CDH3: variants seen among roughly 807,000 people sequenced by gnomAD.
CDH3 encodes the protein cadherin-3.
CDH3 carries 54 observed loss-of-function variants against 82.0 expected under a neutral mutation model. That is an observed-to-expected ratio of 0.66 (90% CI 0.53 to 0.83). The LOEUF (loss-of-function observed/expected upper bound fraction) is 0.83, where lower values mean the gene tolerates loss of function less well. CDH3 is among the 40% of genes least tolerant of loss of function. The pLI is 0.00. For missense variants in CDH3, 1,054 were observed against 1,084.6 expected (o/e 0.97, Z 0.40); for synonymous variants, 446 against 437.9 (o/e 1.02, Z -0.23).
chr16:68,660,627 A>T (rs1392907642), intron 2 of CDH3, among the ~76,000 whole-genome samples: 1 of 152,178 alleles, frequency 6.6e-6, no homozygotes, highest in Admixed American at 6.5e-5. Flanking sequence ...AAAGCCTAGG[A>T]CAGGGTGGTT....
At chr16:68,700,786 G>A (rs1406465869), downstream of CDH3, among the ~76,000 whole-genome samples, 4 of 152,184 alleles carry the variant, frequency 2.6e-5, no homozygotes, top group African/African-American at 4.8e-5. Context: ...TCCGGGAGGT[G>A]GAGGTTGCAG....
chr16:68,662,488 G>T (rs1316681383), intron 2 of CDH3, among the ~76,000 whole-genome samples: 1 of 151,588 alleles, frequency 6.6e-6, no homozygotes, highest in Non-Finnish European at 1.5e-5. Context: ...GATATTTTTG[G>T]CTGGGTGCAG....
chr16:68,697,217 A>G (rs978035182), intron 15 of CDH3, among the ~76,000 whole-genome samples: 3 of 151,712 alleles, frequency 2.0e-5, no homozygotes, highest in African/African-American at 7.3e-5. Context: ...CCAGCTACTC[A>G]GGAGGCTGAG....
chr16:68,651,734 C>T, intron 2 of CDH3: 1 of 503,438 alleles, frequency 2.0e-6, no homozygotes, highest in Non-Finnish European at 4.0e-6. Context: ...AGTGGTTGAT[C>T]TAGGGGACTG....
intron 7 of CDH3, among the ~76,000 whole-genome samples, chr16:68,680,291 T>C (rs559312858): frequency 7.9e-5 from 12 of 152,358 alleles, no homozygotes; most frequent in Non-Finnish European, 1.3e-4. Flanking sequence ...CCCAAATTGG[T>C]CCCTTATGTG....
intron 2 of CDH3, among the ~76,000 whole-genome samples, chr16:68,662,846 G>A (rs1361908901): frequency 6.9e-6 from 1 of 145,518 alleles, no homozygotes; most frequent in Non-Finnish European, 1.5e-5. Flanking sequence ...GTTCCCGGAG[G>A]CTGGTGGATT....
downstream of CDH3, among the ~76,000 whole-genome samples, chr16:68,728,514 T>C (rs190113796): frequency 5.5e-3 from 841 of 152,152 alleles, 9 homozygotes; most frequent in Middle Eastern, 0.082. Flanking sequence ...CAGGCTGATC[T>C]CGAACTCCTG....
At chr16:68,718,621 G>A (rs929808721) in intron 1 of CDH3, among the ~76,000 whole-genome samples, 5 of 152,120 alleles carry the variant, frequency 3.3e-5, no homozygotes, top group Non-Finnish European at 7.3e-5. Context: ...GGTGGAGGTT[G>A]CAGTGAGCCG....
intron 2 of CDH3, among the ~76,000 whole-genome samples, chr16:68,654,824 T>C (rs891340713): frequency 2.0e-5 from 3 of 149,946 alleles, no homozygotes; most frequent in Non-Finnish European, 4.4e-5. Context: ...TCACCTGAGG[T>C]CAGGAGTTCA....
chr16:68,681,146 G>A, intron 8 of CDH3, 50 bp downstream of exon 8: 1 of 1,609,996 alleles, frequency 6.2e-7, no homozygotes, highest in Non-Finnish European at 8.5e-7. Context: ...AAGGACCAAA[G>A]TTTGCCTTTC....
intron 2 of CDH3, among the ~76,000 whole-genome samples, chr16:68,664,961 G>GCTT (rs1227084422): frequency 3.3e-5 from 5 of 152,060 alleles, no homozygotes; most frequent in African/African-American, 1.2e-4. Flanking sequence ...CATGGCATTT[G>GCTT]GGATTTAATT....
intron 2 of CDH3, chr16:68,651,962 C>T (rs1367395133): frequency 1.5e-5 from 5 of 325,292 alleles, no homozygotes; most frequent in South Asian, 1.2e-4. Context: ...ATACGGCTGG[C>T]AGGTGCGGTG....
intron 2 of CDH3, chr16:68,646,144 C>T (rs561694849): frequency 1.2e-5 from 3 of 250,508 alleles, no homozygotes; most frequent in South Asian, 5.5e-5. Flanking sequence ...CCCCCTTCGC[C>T]CCTCTCGGGC....
intron 1 of CDH3, among the ~76,000 whole-genome samples, chr16:68,712,688 CTTTTT>C (rs199836116): frequency 6.9e-6 from 1 of 144,132 alleles, no homozygotes; most frequent in Admixed American, 7.0e-5. Flanking sequence ...TCCCAGGTTC[CTTTTT>C]TTTTTTGAGA....
intron 13 of CDH3, among the ~76,000 whole-genome samples, chr16:68,693,072 C>A (rs972389561): frequency 1.4e-4 from 21 of 152,172 alleles, no homozygotes; most frequent in African/African-American, 5.1e-4. Flanking sequence ...CCATTGCACT[C>A]CAGCCTGGGC....
chr16:68,695,916 T>C lies in CDH3; in HGVS notation c.2273T>C (p.Ile758Thr). 6.2e-7 allele frequency: 1 copy of C among 1,614,112 alleles called. No homozygotes were observed. Among genetic ancestry groups the C allele is most frequent in the South Asian group, 1.1e-5 (1 of 91,078 alleles). The change falls in exon 15 of 16, where the codon ATA (isoleucine) becomes ACA (threonine). Residue 758 changes from isoleucine to threonine, a missense_variant. By Grantham distance (89) the Ile-to-Thr change is moderately conservative. Coordinates refer to ENST00000264012, the MANE Select transcript of CDH3 (RefSeq NM_001793.6). The part of the protein sequence containing the change: ...PANPDEIGNF[I>T]IENLKAANTD... Reference sequence around the variant, plus strand: ...AACCCAGATGAAATCGGCAACTTTATAATTGAGGTGAGGCGTGGCAGGCCA... The same window carrying C: ...AACCCAGATGAAATCGGCAACTTTACAATTGAGGTGAGGCGTGGCAGGCCA...
At chr16:68,695,189 G>A (rs961715552) in intron 13 of CDH3, 66 bp from the exon 14 acceptor site, 3 of 1,580,798 alleles carry the variant, frequency 1.9e-6, no homozygotes, top group African/African-American at 2.7e-5. Context: ...GGGGCTCTGA[G>A]GGCCTGGGGG....
chr16:68,699,717 A>G lies in CDH3; in HGVS notation c.*1317A>G, dbSNP rs1203905169. On this transcript the variant is annotated 3_prime_UTR_variant, in exon 16 of 16. Transcript: ENST00000264012. ...TCACTGTGTTAGCCAGGATGTCTCG[A>G]TCTCCTGACCTCGTGATCCGCCCAC... 6.6e-6 allele frequency: 1 copy of G among 152,064 alleles called. No homozygotes were observed. Among genetic ancestry groups the G allele is most frequent in the East Asian group, 1.9e-4 (1 of 5,194 alleles). 9.4% of individuals were successfully genotyped at this position (152,064 alleles called of 1,614,324 possible).
At chr16:68,711,606 A>G (rs1437909388) in intron 1 of CDH3, among the ~76,000 whole-genome samples, 2 of 152,084 alleles carry the variant, frequency 1.3e-5, no homozygotes, top group African/African-American at 4.8e-5. Context: ...TGGAGAGGGG[A>G]CGGGGAAGTG....
Sources: gnomAD v4.1 joint callset for allele counts (sites outside exome capture counted in the v4.1 genomes callset) on GRCh38, gnomAD v4.1.1 for gene constraint, MANE v1.5 for transcripts, NCBI Gene and HGNC (gene_info 2026-07-23, HGNC 2026-07-21) for gene names.